Variants in FAF1 observed in about 807,000 individuals in gnomAD.
FAF1 encodes Fas associated factor 1.
Under a neutral mutation model 92.5 loss-of-function variants are expected in FAF1, and 25 were observed. The ratio of observed to expected loss-of-function variants is 0.27; its 90% CI spans 0.20 to 0.38. The LOEUF is 0.38. Among genes scored for constraint, FAF1 ranks in the 10% least tolerant of loss-of-function variants. The probability of loss-of-function intolerance (pLI) is 1.00; values close to 1 mark genes in which losing one functional copy is unlikely to be tolerated. For missense variants in FAF1, 636 were observed against 793.3 expected (o/e 0.80, Z 2.38); for synonymous variants, 234 against 273.2 (o/e 0.86, Z 1.42).
chr1:50,508,185 A>G (rs1436734935), intron 15 of FAF1, among the ~76,000 whole-genome samples: 2 of 152,208 alleles, frequency 1.3e-5, no homozygotes, highest in Admixed American at 6.5e-5. Context: ...TGGTTCCTCA[A>G]AAAGTTAAAC....
chr1:50,640,806 T>C (rs1438508252), intron 8 of FAF1, among the ~76,000 whole-genome samples: 1 of 150,876 alleles, frequency 6.6e-6, no homozygotes, highest in African/African-American at 2.4e-5. Context: ...TCTTGATCAG[T>C]CTAGCTAGGA....
chr1:50,573,043 A>G (rs1650521123), intron 12 of FAF1, among the ~76,000 whole-genome samples: 1 of 152,038 alleles, frequency 6.6e-6, no homozygotes. Flanking sequence ...ATAAGTAGAA[A>G]CAAACAAACC....
At chr1:50,662,374 A>G (rs747623806) in intron 7 of FAF1, among the ~76,000 whole-genome samples, 9 of 152,186 alleles carry the variant, frequency 5.9e-5, no homozygotes, top group Non-Finnish European at 1.0e-4. Context: ...ATACTTTAAA[A>G]ACTTATTTCA....
intron 8 of FAF1, chr1:50,612,430 G>T: frequency 8.8e-7 from 1 of 1,135,188 alleles, no homozygotes; most frequent in Non-Finnish European, 1.1e-6. Flanking sequence ...TTAATCAGTG[G>T]TCATTTCAGC....
intron 18 of FAF1, among the ~76,000 whole-genome samples, chr1:50,473,648 T>C (rs1189773581): frequency 6.6e-6 from 1 of 152,168 alleles, no homozygotes; most frequent in Non-Finnish European, 1.5e-5. Flanking sequence ...AGGCATGTGT[T>C]CCCTTGTGCA....
chr1:50,437,226 T>A lies in FAF1; in HGVS notation c.*4214A>T, dbSNP rs990479521. 6.6e-6 allele frequency: 1 copy of A among 152,214 alleles called. No homozygotes were observed. The highest frequency in any genetic ancestry group is 2.4e-5 in the African/African-American group (1 of 41,470). The allele number at this position is 152,214 out of a possible 1,614,324, so 9.4% of individuals were successfully genotyped here. A position where few individuals can be genotyped will look rare whatever the true frequency, so the allele number is the denominator to read the frequency against. ...TATTTCATCCTCTGGAGGTTTCTTT[T>A]AGATAAAAATACGGATTGATAAAAA... On this transcript the variant is annotated 3_prime_UTR_variant, in exon 19 of 19. Transcript: ENST00000396153.
intron 8 of FAF1, among the ~76,000 whole-genome samples, chr1:50,620,149 C>T (rs950084581): frequency 6.6e-5 from 10 of 152,222 alleles, no homozygotes; most frequent in South Asian, 2.1e-4. Flanking sequence ...CCTCATGATC[C>T]GCCCGCCTCG....
chr1:50,879,400 T>C (rs1644594439), intron 1 of FAF1, among the ~76,000 whole-genome samples: 1 of 152,218 alleles, frequency 6.6e-6, no homozygotes, highest in Non-Finnish European at 1.5e-5. Context: ...ATATATTCCC[T>C]ATACTCAGAA....
intron 8 of FAF1, among the ~76,000 whole-genome samples, chr1:50,605,667 T>C (rs571710161): frequency 6.6e-6 from 1 of 152,290 alleles, no homozygotes; most frequent in South Asian, 2.1e-4. Context: ...TAGTTGCTTA[T>C]GAGCACCCTC....
At chr1:50,716,376 C>T (rs1658172419) in intron 6 of FAF1, among the ~76,000 whole-genome samples, 1 of 152,166 alleles carries the variant, frequency 6.6e-6, no homozygotes, top group South Asian at 2.1e-4. Context: ...CTAGGGGAAG[C>T]ACTCACTATT....
intron 8 of FAF1, among the ~76,000 whole-genome samples, chr1:50,650,547 G>A (rs1165139192): frequency 6.6e-6 from 1 of 152,090 alleles, no homozygotes; most frequent in Admixed American, 6.6e-5. Context: ...TTGAACCTGG[G>A]AGGCAGAGGT....
intron 6 of FAF1, among the ~76,000 whole-genome samples, chr1:50,727,188 T>A (rs1273179396): frequency 6.6e-6 from 1 of 152,258 alleles, no homozygotes; most frequent in Non-Finnish European, 1.5e-5. Flanking sequence ...TTCACTATCA[T>A]GTCACCATAT....
rs56806783 is a variant in FAF1, at chr1:50,630,056, C to CA, written c.744+25385dup. ...CTGGCGACAGAGCGAGCCTCTGTCTCAAAAAAAAAAACATATCGACGTTCA... is the reference window on the plus strand; with the variant it reads ...CTGGCGACAGAGCGAGCCTCTGTCTCAAAAAAAAAAAACATATCGACGTTCA... On this transcript the variant is annotated intron_variant, in intron 8 of 18. Transcript: ENST00000396153. Among the ~76,000 whole-genome samples, 382 of 137,910 alleles carry CA rather than the reference C, an allele frequency of 2.8e-3. 2 individuals are homozygous for CA. Among genetic ancestry groups the CA allele is most frequent in the Middle Eastern group, 0.015 (4 of 262 alleles). The allele number at this position is 137,910 out of a possible 152,430, so 90.5% of individuals were successfully genotyped here.
intron 6 of FAF1, among the ~76,000 whole-genome samples, chr1:50,711,871 T>G (rs1177829624): frequency 5.3e-5 from 8 of 152,192 alleles, no homozygotes; most frequent in African/African-American, 1.9e-4. Flanking sequence ...TCTTTAAACT[T>G]AGACTCTAGC....
In FAF1 at chr1:50,437,034, T is replaced by A. The variant is rs1442007994; in HGVS notation, c.*4406A>T. 2 of 152,186 alleles carry A rather than the reference T, an allele frequency of 1.3e-5. No individual in the cohort carries two copies. The highest frequency in any genetic ancestry group is 4.8e-5 in the African/African-American group (2 of 41,430). The allele number at this position is 152,186 out of a possible 1,614,324, so 9.4% of individuals were successfully genotyped here. ...GAGTTTATAGACTGAAGACTGGAGA[T>A]CATGTCTCTTTTATTAATATTTTCT... On this transcript the variant is annotated 3_prime_UTR_variant, in exon 19 of 19. Coordinates refer to ENST00000396153, the MANE Select transcript of FAF1 (RefSeq NM_007051.3).
In FAF1 at chr1:50,584,812, C is replaced by T; in HGVS notation, c.841-1G>A. On this transcript the variant is annotated splice_acceptor_variant, in intron 9 of 18. Coordinates refer to ENST00000396153, the MANE Select transcript of FAF1 (RefSeq NM_007051.3). LOFTEE classifies it high-confidence loss of function. ...TAACCATATGAACATCGGTGATTTG[C>T]TATTTAAGGAAAGTCCTGATTAGTT... The T allele has an allele frequency of 1.2e-6, 2 of 1,612,484 alleles. No individual in the cohort carries two copies.
At chr1:50,948,852 C>T (rs115290385) in intron 1 of FAF1, among the ~76,000 whole-genome samples, 1,943 of 152,184 alleles carry the variant, frequency 0.013, 36 homozygotes, top group African/African-American at 0.043. Context: ...TCAGATCTCA[C>T]GTGAACTAAC....
At position 50,567,153 on chromosome 1, in the gene FAF1, C is replaced by T; in HGVS notation, c.1192G>A (p.Glu398Lys). The change falls in exon 13 of 19, where the codon GAA (glutamate) becomes AAA (lysine). Residue 398 changes from glutamate (E) to lysine (K), a missense_variant. Physicochemically the swap from Glu to Lys is moderately conservative, Grantham distance 56. Around this residue, in one of 2 missense-constraint regions of FAF1, gnomAD observed 319 missense variants for 451.0 expected, o/e 0.71. Coordinates refer to ENST00000396153, the MANE Select transcript of FAF1 (RefSeq NM_007051.3). ...TGACTCAGATAAGAAACAATGGATTCAGCACAAAGCATTTGTGAGCAGAAC... is the reference window on the plus strand; with the variant it reads ...TGACTCAGATAAGAAACAATGGATTTAGCACAAAGCATTTGTGAGCAGAAC... ...NVFCSQMLCAESIVSYLSQNF... is the reference protein window; with the variant it reads ...NVFCSQMLCAKSIVSYLSQNF... 1 of 1,610,164 alleles carries T rather than the reference C, an allele frequency of 6.2e-7. No homozygotes were observed. Among genetic ancestry groups the T allele is most frequent in the Non-Finnish European group, 8.5e-7 (1 of 1,177,320 alleles).
rs76363306 is a variant in FAF1 at position 50,687,401 on chromosome 1, T to A, written c.657+18385A>T. 4.3e-4 allele frequency among the ~76,000 whole-genome samples: 64 copies of A among 150,208 alleles called. 1 individual carries two copies. The East Asian group carries it at 0.012, about 27-fold the overall frequency. On this transcript the variant is annotated intron_variant, in intron 7 of 18. Coordinates refer to ENST00000396153, the MANE Select transcript of FAF1 (RefSeq NM_007051.3). ...CAACCTGAAAAATGGGCAAAGGATT[T>A]GCATAGACATTCCTCCAAAGAAGTT...
Sources: allele counts gnomAD v4.1 joint callset (sites outside exome capture counted in the v4.1 genomes callset), GRCh38; gene constraint gnomAD v4.1.1; regional missense constraint gnomAD v4.1.1; transcripts MANE v1.5; gene names NCBI Gene and HGNC (gene_info 2026-07-23, HGNC 2026-07-21).